RANBP2: variants seen among roughly 807,000 people sequenced by gnomAD.
RANBP2 encodes RAN binding protein 2.
RANBP2 carries 57 observed loss-of-function variants against 303.6 expected under a neutral mutation model. The observed-to-expected ratio is 0.19, with a 90% CI of 0.15 to 0.23. RANBP2 has a LOEUF of 0.23. Ranked by LOEUF, RANBP2 falls within the 10% of genes least tolerant of loss-of-function variation. The pLI, the probability that RANBP2 is intolerant of heterozygous loss-of-function variation, is 1.00. For synonymous variants in RANBP2, 1,167 were observed against 1,301.5 expected (o/e 0.90, Z 2.23); for missense variants, 3,138 against 3,780.8 (o/e 0.83, Z 4.46).
the RANBP2 span, among the ~76,000 whole-genome samples, chr2:109,427,300 A>AT: frequency 0.034 from 5,249 of 152,214 alleles, 310 homozygotes; most frequent in African/African-American, 0.12. Context: ...AGGTACTTAC[A>AT]TTTTTTTAGA....
At chr2:109,483,753 C>T in the RANBP2 span, among the ~76,000 whole-genome samples, 16 of 152,196 alleles carry the variant, frequency 1.1e-4, no homozygotes, top group East Asian at 1.9e-4. Context: ...CACAGTCCTT[C>T]GACCTGCTGT....
At chr2:108,789,934 G>T (rs928788582), downstream of RANBP2, among the ~76,000 whole-genome samples, 2 of 152,174 alleles carry the variant, frequency 1.3e-5, no homozygotes, top group African/African-American at 4.8e-5. Context: ...TAAGCATTTT[G>T]AAATAAAGAT....
the RANBP2 span, among the ~76,000 whole-genome samples, chr2:109,236,332 G>T: frequency 6.6e-6 from 1 of 152,146 alleles, no homozygotes; most frequent in Non-Finnish European, 1.5e-5. Flanking sequence ...GCAATGCCCA[G>T]CAGTGCCTCC....
the RANBP2 span, among the ~76,000 whole-genome samples, chr2:109,223,902 T>C: frequency 6.6e-6 from 1 of 152,028 alleles, no homozygotes; most frequent in Non-Finnish European, 1.5e-5. Context: ...GAGGCTGAGG[T>C]AGGAGGATCA....
At chr2:109,347,813 G>A in the RANBP2 span, 17 of 1,613,830 alleles carry the variant, frequency 1.1e-5, no homozygotes, top group African/African-American at 2.0e-4. Context: ...GAGCTGCACG[G>A]CACACAGGGC....
the RANBP2 span, among the ~76,000 whole-genome samples, chr2:109,262,776 A>G: frequency 1.3e-5 from 2 of 152,156 alleles, no homozygotes; most frequent in East Asian, 1.9e-4. Flanking sequence ...TTACATTTAT[A>G]TATGTAATGG....
the RANBP2 span, among the ~76,000 whole-genome samples, chr2:108,937,370 G>A: frequency 2.0e-5 from 3 of 152,292 alleles, no homozygotes; most frequent in South Asian, 2.1e-4. Flanking sequence ...ACATATGGGT[G>A]TGAGTGTGTG....
At chr2:109,509,471 C>T in the RANBP2 span, among the ~76,000 whole-genome samples, 1 of 152,094 alleles carries the variant, frequency 6.6e-6, no homozygotes, top group Non-Finnish European at 1.5e-5. Flanking sequence ...TTGCACACCG[C>T]CGTCTCCTCA....
the RANBP2 span, chr2:109,449,127 AAACT>A: frequency 1.3e-6 from 2 of 1,590,040 alleles, no homozygotes; most frequent in Middle Eastern, 1.7e-4. Context: ...GGCAAGTTGC[AAACT>A]AACCTTTCAA....
rs1678501130 is a variant in RANBP2 at position 108,784,866 on chromosome 2, T to G, written c.*965T>G. On this transcript the variant is annotated 3_prime_UTR_variant, in exon 29 of 29. Coordinates refer to ENST00000283195, the MANE Select transcript of RANBP2 (RefSeq NM_006267.5). ...AGTAAGGAAGACAATTTAAAGGCAG[T>G]AAATTCAAACTGCTGCATAATTTCC... is the stretch of plus-strand genomic sequence containing the variant. 6.6e-6 allele frequency: 1 copy of G among 152,526 alleles called. No homozygotes were observed. Among genetic ancestry groups the G allele is most frequent in the Admixed American group, 6.5e-5 (1 of 15,280 alleles). 9.4% of individuals were successfully genotyped at this position (152,526 alleles called of 1,614,324 possible). A position where few individuals can be genotyped will look rare whatever the true frequency, so the allele number is the denominator to read the frequency against.
At chr2:109,247,334 C>G in the RANBP2 span, among the ~76,000 whole-genome samples, 2 of 152,112 alleles carry the variant, frequency 1.3e-5, no homozygotes, top group Non-Finnish European at 2.9e-5. Context: ...TCTCTGCAGC[C>G]CCTCCCTGAA....
the RANBP2 span, among the ~76,000 whole-genome samples, chr2:108,803,805 C>T: frequency 6.6e-6 from 1 of 152,080 alleles, no homozygotes; most frequent in Non-Finnish European, 1.5e-5. Flanking sequence ...GGGCTTTTAG[C>T]TATAATCAGT....
At chr2:109,164,145 C>G in the RANBP2 span, among the ~76,000 whole-genome samples, 1 of 152,094 alleles carries the variant, frequency 6.6e-6, no homozygotes, top group African/African-American at 2.4e-5. Flanking sequence ...TATTTTTGGT[C>G]CAGGAAAACT....
chr2:109,445,294 A>G, the RANBP2 span, among the ~76,000 whole-genome samples: 4 of 152,224 alleles, frequency 2.6e-5, no homozygotes, highest in East Asian at 3.8e-4. Flanking sequence ...GAATTCTCCA[A>G]AATTGAAGAG....
At chr2:109,012,409 C>CT in the RANBP2 span, among the ~76,000 whole-genome samples, 3 of 152,134 alleles carry the variant, frequency 2.0e-5, no homozygotes, top group African/African-American at 7.2e-5. Context: ...GTCTTGAGAG[C>CT]CCCCACAGAA....
chr2:109,006,588 G>A, the RANBP2 span, among the ~76,000 whole-genome samples: 1 of 152,178 alleles, frequency 6.6e-6, no homozygotes, highest in Non-Finnish European at 1.5e-5. Context: ...GGCAGCCCAA[G>A]GGAGTGACCT....
At chr2:108,752,077 T>G in intron 12 of RANBP2, 83 bp downstream of exon 12, 1 of 1,600,326 alleles carries the variant, frequency 6.2e-7, no homozygotes, top group African/African-American at 1.4e-5. Context: ...AGTTTTTTTG[T>G]TCTGAAAACA....
the RANBP2 span, chr2:108,812,734 A>G: frequency 6.2e-7 from 1 of 1,607,276 alleles, no homozygotes; most frequent in Non-Finnish European, 8.5e-7. Flanking sequence ...TTCTCTACAG[A>G]CAGAAGTATG....
the RANBP2 span, among the ~76,000 whole-genome samples, chr2:109,342,625 C>G: frequency 6.6e-6 from 1 of 152,198 alleles, no homozygotes; most frequent in African/African-American, 2.4e-5. Flanking sequence ...GCCCTCCCGA[C>G]GCTGCAGGCC....
Sources: gnomAD v4.1 joint callset for allele counts (sites outside exome capture counted in the v4.1 genomes callset) on GRCh38, gnomAD v4.1.1 for gene constraint, MANE v1.5 for transcripts, NCBI Gene and HGNC (gene_info 2026-07-23, HGNC 2026-07-21) for gene names.